The following SMYD3 variants were observed in gnomAD, a reference collection of about 807,000 sequenced individuals.
SMYD3 encodes SET and MYND domain containing 3.
A neutral mutation model predicts 57.7 loss-of-function variants in SMYD3; 36 were observed. That is an observed-to-expected ratio of 0.62 (90% CI 0.48 to 0.82). The LOEUF (loss-of-function observed/expected upper bound fraction) is 0.82. Ranked by LOEUF, SMYD3 falls within the 40% of genes least tolerant of loss-of-function variation. The pLI is 0.00. For missense variants in SMYD3, 515 were observed against 538.8 expected, an observed-to-expected ratio of 0.96 and a Z score of 0.44; for synonymous variants, 211 against 195.0, an observed-to-expected ratio of 1.08 and a Z score of -0.68.
Position 245,981,796 on chromosome 1 carries a change from T to C in SMYD3, c.532-51859A>G, listed in dbSNP as rs1010222247. 2.0e-5 allele frequency among the ~76,000 whole-genome samples: 3 copies of C among 152,248 alleles called. No individual in the cohort carries two copies. The East Asian group carries it at 5.8e-4, about 29-fold the overall frequency. On this transcript the variant is annotated intron_variant, in intron 5 of 11. Coordinates refer to ENST00000490107, the MANE Select transcript of SMYD3 (RefSeq NM_001167740.2). ...GTTAGAGTTAAGTAAGAAGGGGTCC[T>C]TTAACTTGGGAAACGATTACATAGA...
chr1:245,751,594 A>AAG (rs1350148912), intron 11 of SMYD3, among the ~76,000 whole-genome samples: 31 of 72,412 alleles, frequency 4.3e-4, no homozygotes, highest in East Asian at 8.8e-4. Flanking sequence ...GAGAGAGAGA[A>AAG]AGAGAGAGAG....
intron 5 of SMYD3, among the ~76,000 whole-genome samples, chr1:246,014,144 G>A (rs750616079): frequency 4.6e-5 from 7 of 152,136 alleles, no homozygotes; most frequent in Non-Finnish European, 7.4e-5. Flanking sequence ...CCAACATGGC[G>A]AAACCCCGTC....
At chr1:245,956,754 C>A (rs1252404069) in intron 5 of SMYD3, among the ~76,000 whole-genome samples, 1 of 152,192 alleles carries the variant, frequency 6.6e-6, no homozygotes, top group Admixed American at 6.5e-5. Context: ...AAACTGACTT[C>A]TTGATTTCCT....
intron 5 of SMYD3, among the ~76,000 whole-genome samples, chr1:245,974,102 AC>A (rs2058367240): frequency 6.6e-6 from 1 of 151,822 alleles, no homozygotes; most frequent in Non-Finnish European, 1.5e-5. Context: ...CTGTTCAGGC[AC>A]CCTCCTTTCC....
chr1:246,098,433 A>G (rs1292073268), intron 5 of SMYD3, among the ~76,000 whole-genome samples: 2 of 152,230 alleles, frequency 1.3e-5, no homozygotes, highest in Non-Finnish European at 2.9e-5. Flanking sequence ...AGGAGAAAAT[A>G]TTTTGTATTT....
chr1:246,142,877 A>G (rs1326059400), intron 5 of SMYD3, among the ~76,000 whole-genome samples: 1 of 152,182 alleles, frequency 6.6e-6, no homozygotes, highest in African/African-American at 2.4e-5. Flanking sequence ...GAAGACAAGT[A>G]AGAAGGGCTT....
intron 1 of SMYD3, among the ~76,000 whole-genome samples, chr1:246,405,909 C>CA (rs372884120): frequency 0.49 from 42,820 of 87,048 alleles, 8,710 homozygotes; most frequent in Middle Eastern, 0.58. Flanking sequence ...GACTCTGTCT[C>CA]AAAAAAAAAA....
At chr1:246,160,660 G>T (rs1408572519) in intron 5 of SMYD3, among the ~76,000 whole-genome samples, 2 of 152,182 alleles carry the variant, frequency 1.3e-5, no homozygotes, top group African/African-American at 4.8e-5. Flanking sequence ...TATGAAGGTG[G>T]CTGCTGTCTA....
In SMYD3 at chr1:246,309,671, T is replaced by A. The variant is rs148144535; in HGVS notation, c.531+17530A>T. On this transcript the variant is annotated intron_variant, in intron 5 of 11. Coordinates refer to ENST00000490107, the MANE Select transcript of SMYD3 (RefSeq NM_001167740.2). ...AATGAAATGCTCCCAAGGACACTAA[T>A]GAGGTTTTAGAAAAGAGGAAGCCAC... is the stretch of plus-strand genomic sequence containing the variant. Among the ~76,000 whole-genome samples the A allele has an allele frequency of 2.0e-3, 302 of 152,296 alleles. 2 individuals are homozygous for A. Among genetic ancestry groups the A allele is most frequent in the African/African-American group, 6.9e-3 (288 of 41,560 alleles).
chr1:246,031,390 T>C lies in SMYD3; in HGVS notation c.532-101453A>G, dbSNP rs150155898. 1.6e-3 allele frequency among the ~76,000 whole-genome samples: 246 copies of C among 152,228 alleles called. 1 individual carries two copies. Among genetic ancestry groups the C allele is most frequent in the African/African-American group, 5.7e-3 (237 of 41,542 alleles). ...TGAAGTATTAACTGGCAAAATCCAT[T>C]ATTACAATAGAAATAACATTGATCC... On this transcript the variant is annotated intron_variant, in intron 5 of 11. Transcript: ENST00000490107.
chr1:245,866,134 GA>G (rs2051825929), intron 8 of SMYD3, among the ~76,000 whole-genome samples: 2 of 152,202 alleles, frequency 1.3e-5, no homozygotes, highest in African/African-American at 4.8e-5. Flanking sequence ...TTGGGAAGAA[GA>G]AATATCACTC....
intron 5 of SMYD3, among the ~76,000 whole-genome samples, chr1:246,007,623 A>G (rs775585236): frequency 6.6e-6 from 1 of 151,112 alleles, no homozygotes; most frequent in Non-Finnish European, 1.5e-5. Flanking sequence ...CAGCCTGGGC[A>G]ACACGGCGAA....
intron 7 of SMYD3, among the ~76,000 whole-genome samples, chr1:245,924,880 A>T (rs2056260823): frequency 6.6e-6 from 1 of 151,832 alleles, no homozygotes; most frequent in Non-Finnish European, 1.5e-5. Context: ...GCCAGGCTGG[A>T]TGCAAACTCC....
intron 8 of SMYD3, among the ~76,000 whole-genome samples, chr1:245,875,088 C>G (rs1159779650): frequency 6.6e-6 from 1 of 152,240 alleles, no homozygotes; most frequent in African/African-American, 2.4e-5. Flanking sequence ...GGCACGCCAA[C>G]AGAAAGCACA....
chr1:245,754,418 G>A (rs1184681171), intron 11 of SMYD3, among the ~76,000 whole-genome samples: 4 of 151,974 alleles, frequency 2.6e-5, no homozygotes, highest in African/African-American at 4.8e-5. Flanking sequence ...ATCAAATCAC[G>A]ACGGGAAAAA....
intron 3 of SMYD3, among the ~76,000 whole-genome samples, chr1:246,331,339 C>T (rs1285485779): frequency 6.6e-6 from 1 of 152,182 alleles, no homozygotes; most frequent in Admixed American, 6.5e-5. Flanking sequence ...CCAGTCAATA[C>T]TAATTATGTA....
intron 10 of SMYD3, among the ~76,000 whole-genome samples, chr1:245,793,016 T>G (rs1212743598): frequency 6.6e-6 from 1 of 152,178 alleles, no homozygotes; most frequent in Non-Finnish European, 1.5e-5. Context: ...TAGTTAGAAA[T>G]ATCTTCCATA....
chr1:246,475,274 G>A (rs2068014230), intron 1 of SMYD3, among the ~76,000 whole-genome samples: 1 of 151,092 alleles, frequency 6.6e-6, no homozygotes, highest in Non-Finnish European at 1.5e-5. Context: ...GTTGCAGTGA[G>A]CCGAGAGCCC....
At chr1:246,248,426 G>A (rs2063743101) in intron 5 of SMYD3, among the ~76,000 whole-genome samples, 1 of 152,088 alleles carries the variant, frequency 6.6e-6, no homozygotes, top group Non-Finnish European at 1.5e-5. Flanking sequence ...TCTCCCAACA[G>A]AGACTTTTTG....
Sources: allele counts gnomAD v4.1 joint callset (sites outside exome capture counted in the v4.1 genomes callset), GRCh38; gene constraint gnomAD v4.1.1; transcripts MANE v1.5; gene names NCBI Gene and HGNC (gene_info 2026-07-23, HGNC 2026-07-21).